The following DLGAP3 variants were observed in gnomAD, a reference collection of about 807,000 sequenced individuals.
DLGAP3 encodes the protein disks large-associated protein 3.
Under a neutral mutation model 81.2 loss-of-function variants are expected in DLGAP3, and 17 were observed. The observed-to-expected ratio is 0.21, with a 90% CI of 0.14 to 0.31. The LOEUF (loss-of-function observed/expected upper bound fraction) is 0.31. Ranked by LOEUF, DLGAP3 falls within the 10% of genes least tolerant of loss-of-function variation. DLGAP3 has a pLI of 1.00. For missense variants in DLGAP3, 1,124 were observed against 1,388.0 expected (o/e 0.81, Z 3.02); for synonymous variants, 577 against 587.4 (o/e 0.98, Z 0.26).
chr1:34,928,211 T>C (rs1218938318), intron 1 of DLGAP3, among the ~76,000 whole-genome samples: 2 of 152,070 alleles, frequency 1.3e-5, no homozygotes, highest in African/African-American at 4.8e-5. Flanking sequence ...ACTGAACCAA[T>C]AACCCAGAAC....
At chr1:34,915,039 T>C (rs1281805498) in intron 1 of DLGAP3, among the ~76,000 whole-genome samples, 3 of 152,190 alleles carry the variant, frequency 2.0e-5, no homozygotes, top group Admixed American at 1.3e-4. Flanking sequence ...GTGGTCTCTC[T>C]TGTAACTCCA....
At chr1:34,928,790 T>C (rs901425643) in intron 1 of DLGAP3, among the ~76,000 whole-genome samples, 20 of 149,560 alleles carry the variant, frequency 1.3e-4, no homozygotes, top group African/African-American at 4.7e-4. Flanking sequence ...ACAGAGACAG[T>C]CACGCCGGCA....
Position 34,900,455 on chromosome 1 carries a change from C to T in DLGAP3, c.1108-182G>A, listed in dbSNP as rs1931059. On this transcript the variant is annotated intron_variant, in intron 3 of 11. Transcript: ENST00000373347. The surrounding 1 kb of genome is among the most constrained non-coding windows in gnomAD (Gnocchi z 5.6). ...TCCCCGTCCCTTACAAGAGACACCT[C>T]GTCATCCTCCACAGACCTTCTGCAC... is the stretch of plus-strand genomic sequence containing the variant. 0.22 allele frequency among the ~76,000 whole-genome samples: 33,694 copies of T among 152,204 alleles called. 5,761 individuals carry two copies. The highest frequency in any genetic ancestry group is 0.91 in the East Asian group (4,711 of 5,162).
chr1:34,879,486 C>T lies in DLGAP3; in HGVS notation c.2000+5492G>A, dbSNP rs1639113428. On this transcript the variant is annotated intron_variant, in intron 8 of 11. Transcript: ENST00000373347. Reference sequence around the variant, plus strand: ...ACCTCCTGCTGTGCCGCCTGGTTCCCGACAGGCCATGGACAAATACCAGTC... The same window carrying T: ...ACCTCCTGCTGTGCCGCCTGGTTCCTGACAGGCCATGGACAAATACCAGTC... Among the ~76,000 whole-genome samples the T allele has an allele frequency of 2.0e-5, 3 of 152,170 alleles. 1 individual carries two copies. Among genetic ancestry groups the T allele is most frequent in the South Asian group, 4.1e-4 (2 of 4,832 alleles).
intron 8 of DLGAP3, among the ~76,000 whole-genome samples, chr1:34,882,715 C>T (rs1313349531): frequency 1.4e-5 from 2 of 144,834 alleles, no homozygotes; most frequent in Non-Finnish European, 3.1e-5. Context: ...CTTTCATGAA[C>T]ATAAGTTAGA....
chr1:34,892,899 G>A lies in DLGAP3; in HGVS notation c.1387-6614C>T, dbSNP rs546385534. On this transcript the variant is annotated intron_variant, in intron 5 of 11. Transcript: ENST00000373347. The stretch of plus-strand genomic sequence containing the variant: ...AAAAACAATGAACACACGGCCGGGC[G>A]CGGTGGCTCACGCCTGTAATCCCAG... 9.9e-5 allele frequency among the ~76,000 whole-genome samples: 15 copies of A among 152,262 alleles called. No homozygotes were observed. In the South Asian group the frequency reaches 1.0e-3, roughly 11 times the overall value.
intron 8 of DLGAP3, among the ~76,000 whole-genome samples, chr1:34,879,026 C>G (rs902831928): frequency 2.0e-5 from 3 of 149,652 alleles, no homozygotes; most frequent in African/African-American, 4.9e-5. Context: ...GAGCCGAGAT[C>G]GCGCCACTGC....
chr1:34,893,821 C>T (rs942565682), intron 5 of DLGAP3, among the ~76,000 whole-genome samples: 15 of 151,986 alleles, frequency 9.9e-5, no homozygotes, highest in African/African-American at 3.1e-4. Flanking sequence ...TGATTTAATA[C>T]AAAAGAAGAC....
intron 1 of DLGAP3, among the ~76,000 whole-genome samples, chr1:34,917,346 C>CTT (rs548309308): frequency 9.0e-5 from 12 of 133,306 alleles, no homozygotes; most frequent in East Asian, 2.2e-4. Flanking sequence ...ATCCTTTTTC[C>CTT]TTTTTTTTTT....
Position 34,900,213 on chromosome 1 carries a change from G to A in DLGAP3, c.1168C>T (p.Arg390Cys), listed in dbSNP as rs1340940463. The A allele has an allele frequency of 3.7e-6, 6 of 1,613,998 alleles. No individual in the cohort carries two copies. Among genetic ancestry groups the A allele is most frequent in the African/African-American group, 1.3e-5 (1 of 74,926 alleles). Residue 390 changes from arginine to cysteine, a missense_variant, in exon 4 of 12, where the codon CGC becomes TGC. This residue lies in a region of DLGAP3 where 357 missense variants were observed against 408.8 expected (regional missense o/e 0.87). Transcript: ENST00000373347. This position sits in a 1 kb window ranked among gnomAD's most constrained non-coding sequence, Gnocchi z 5.6. ...ATGTAGCTGCCGCTCCGCATCCTGCGGCAGGGGATCTCCCCATCCTTGCCA... is the reference window on the plus strand; with the variant it reads ...ATGTAGCTGCCGCTCCGCATCCTGCAGCAGGGGATCTCCCCATCCTTGCCA... ...TGGKDGEIPC[R>C]RMRSGSYIKA...
At position 34,885,467 on chromosome 1, in the gene DLGAP3, C is replaced by G. The variant is rs895681648; in HGVS notation, c.1914+11G>C. The G allele has an allele frequency of 5.0e-6, 8 of 1,605,236 alleles. No homozygotes were observed. The highest frequency in any genetic ancestry group is 6.8e-6 in the Non-Finnish European group (8 of 1,179,650). On this transcript the variant is annotated intron_variant, in intron 7 of 11. Transcript: ENST00000373347. ...GGTCAGAGCCCTCGTGGGCGCCTCC[C>G]CGTTCCATACCTGCACCCCAATGGA...
At chr1:34,899,807 T>G in intron 4 of DLGAP3, 66 bp from the exon 5 acceptor site, 1 of 1,488,510 alleles carries the variant, frequency 6.7e-7, no homozygotes, top group African/African-American at 1.4e-5. Flanking sequence ...GGGGAGATAA[T>G]AGCACTGGGG....
chr1:34,895,416 G>A lies in DLGAP3; in HGVS notation c.1386+4253C>T, dbSNP rs1639367963. ...AATAATAATAAGTAAAATAAATGCTGAAAGAAATCAAAGAAGAACTGAATA... is the reference window on the plus strand; with the variant it reads ...AATAATAATAAGTAAAATAAATGCTAAAAGAAATCAAAGAAGAACTGAATA... On this transcript the variant is annotated intron_variant, in intron 5 of 11. Transcript: ENST00000373347. The surrounding 1 kb of genome is among the most constrained non-coding windows in gnomAD (Gnocchi z 4.5). 6.6e-6 allele frequency among the ~76,000 whole-genome samples: 1 copy of A among 151,126 alleles called. No homozygotes were observed. Among genetic ancestry groups the A allele is most frequent in the African/African-American group, 2.4e-5 (1 of 41,210 alleles).
intron 1 of DLGAP3, among the ~76,000 whole-genome samples, chr1:34,919,050 C>T (rs1485912454): frequency 2.6e-5 from 4 of 152,206 alleles, no homozygotes; most frequent in Non-Finnish European, 5.9e-5. Flanking sequence ...GGCAGGTGGG[C>T]GGCTCTGGCG....
Position 34,901,520 on chromosome 1 carries a change from C to T in DLGAP3, c.1108-1247G>A, listed in dbSNP as rs181557220. ...GGTGAACTTAAGCAAAACAGATTAA[C>T]CTCTAAGTGTCAGTTTCCTTGTCTG... On this transcript the variant is annotated intron_variant, in intron 3 of 11. Transcript: ENST00000373347. Among the ~76,000 whole-genome samples the T allele has an allele frequency of 9.2e-5, 14 of 152,338 alleles. No individual in the cohort carries two copies. In the East Asian group the frequency reaches 2.1e-3, roughly 23 times the overall value.
intron 1 of DLGAP3, among the ~76,000 whole-genome samples, chr1:34,919,607 C>A (rs1639768222): frequency 1.3e-5 from 2 of 152,086 alleles, no homozygotes; most frequent in African/African-American, 4.8e-5. Flanking sequence ...GGTGAAATCC[C>A]CATATCTACT....
At chr1:34,906,286 G>C (rs759079042) in intron 2 of DLGAP3, among the ~76,000 whole-genome samples, 39 of 151,714 alleles carry the variant, frequency 2.6e-4, no homozygotes, top group Non-Finnish European at 4.7e-4. Context: ...TAACAAGCTG[G>C]CATTAGGCAA....
Position 34,905,106 on chromosome 1 carries a change from T to C in DLGAP3, c.278A>G (p.Tyr93Cys), listed in dbSNP as rs1569645992. 1 of 1,585,706 alleles carries C rather than the reference T, an allele frequency of 6.3e-7. No homozygotes were observed. Among genetic ancestry groups the C allele is most frequent in the Non-Finnish European group, 8.6e-7 (1 of 1,165,722 alleles). ...GGGSSTFPRM[Y>C]PGQGPFDTCE... ...GGTGTCGAAGGGGCCCTGGCCAGGGTACATCCTGGGGAAGGTGCTGCTACC... is the reference window on the plus strand; with the variant it reads ...GGTGTCGAAGGGGCCCTGGCCAGGGCACATCCTGGGGAAGGTGCTGCTACC... The change falls in exon 3 of 12, where the codon TAC becomes TGC. Residue 93 changes from tyrosine to cysteine, a missense_variant. Physicochemically the swap from Tyr to Cys is radical, Grantham distance 194. Coordinates refer to ENST00000373347, the MANE Select transcript of DLGAP3 (RefSeq NM_001080418.3).
chr1:34,873,550 A>G lies in DLGAP3; in HGVS notation c.2001-4461T>C, dbSNP rs1172713092. On this transcript the variant is annotated intron_variant, in intron 8 of 11. Coordinates refer to ENST00000373347, the MANE Select transcript of DLGAP3 (RefSeq NM_001080418.3). The surrounding 1 kb of genome is among the most constrained non-coding windows in gnomAD (Gnocchi z 4.2). ...ACTCAGAACAGCACCCTGCCTGCCC[A>G]TTGTGTTAGCTATTCTAGAGAAGTA... Among the ~76,000 whole-genome samples, 1 of 152,214 alleles carries G rather than the reference A, an allele frequency of 6.6e-6. No individual in the cohort carries two copies. Among genetic ancestry groups the G allele is most frequent in the African/African-American group, 2.4e-5 (1 of 41,460 alleles).
Sources: allele counts gnomAD v4.1 joint callset (sites outside exome capture counted in the v4.1 genomes callset), GRCh38; gene constraint gnomAD v4.1.1; regional missense constraint gnomAD v4.1.1; non-coding constraint Gnocchi (gnomAD v3.1); transcripts MANE v1.5; gene names NCBI Gene and HGNC (gene_info 2026-07-23, HGNC 2026-07-21).